HK2: variants seen among roughly 807,000 people sequenced by gnomAD.
HK2 encodes hexokinase 2.
In HK2, 42 loss-of-function variants were observed where a neutral mutation model predicts 92.9. The observed-to-expected ratio is 0.45, with a 90% CI of 0.35 to 0.58. The LOEUF is 0.58. Ranked by LOEUF, HK2 falls within the 20% of genes least tolerant of loss-of-function variation. The pLI is 0.00. For synonymous variants in HK2, 422 were observed against 468.0 expected, an observed-to-expected ratio of 0.90 and a Z score of 1.27; for missense variants, 978 against 1,245.1, an observed-to-expected ratio of 0.79 and a Z score of 3.23.
At chr2:74,839,661 T>A (rs541852978) in intron 1 of HK2, among the ~76,000 whole-genome samples, 2 of 142,330 alleles carry the variant, frequency 1.4e-5, no homozygotes, top group Non-Finnish European at 3.0e-5. Flanking sequence ...CAAAGTCAAT[T>A]TTTTTTTTTT....
At position 74,892,476 on chromosome 2, in the gene HK2, TTTCAAACTA is replaced by T. The variant is rs370906633; in HGVS notation, c.*1538_*1546del. On this transcript the variant is annotated 3_prime_UTR_variant, in exon 18 of 18. Coordinates refer to ENST00000290573, the MANE Select transcript of HK2 (RefSeq NM_000189.5). The stretch of plus-strand genomic sequence containing the variant: ...TTCTTTTTTTTATACACAACATTTA[TTTCAAACTA>T]TTGGGAGGGATGAGAGTGGCTTAAA... 3.4e-4 allele frequency: 52 copies of T among 152,310 alleles called. 1 individual carries two copies. Among genetic ancestry groups the T allele is most frequent in the Admixed American group, 9.8e-4 (15 of 15,308 alleles). The allele number at this position is 152,310 out of a possible 1,614,324, so 9.4% of individuals were successfully genotyped here. A position where few individuals can be genotyped will look rare whatever the true frequency, so the allele number is the denominator to read the frequency against.
intron 1 of HK2, among the ~76,000 whole-genome samples, chr2:74,844,993 C>T (rs1318230595): frequency 6.6e-6 from 1 of 152,148 alleles, no homozygotes; most frequent in Non-Finnish European, 1.5e-5. Context: ...GCAGAGAGGC[C>T]ATTTATGCTG....
chr2:74,856,641 T>A (rs1688702881), intron 2 of HK2, among the ~76,000 whole-genome samples: 1 of 152,234 alleles, frequency 6.6e-6, no homozygotes, highest in Admixed American at 6.5e-5. Context: ...CACCTCAATG[T>A]ATTAACTCAT....
rs540398266 is a variant in HK2, at chr2:74,875,917, G to T, written c.876-1249G>T. On this transcript the variant is annotated intron_variant, in intron 7 of 17. Coordinates refer to ENST00000290573, the MANE Select transcript of HK2 (RefSeq NM_000189.5). ...CTTATCCTTTGACACCCACCAAATT[G>T]TCATCCATGGTAGCCCTGAAGTCAC... Among the ~76,000 whole-genome samples, 5 of 152,274 alleles carry T rather than the reference G, an allele frequency of 3.3e-5. No individual in the cohort carries two copies. In the South Asian group the frequency reaches 1.0e-3, roughly 32 times the overall value.
chr2:74,880,781 T>G (rs1689370673), intron 10 of HK2, among the ~76,000 whole-genome samples: 1 of 152,268 alleles, frequency 6.6e-6, no homozygotes, highest in Admixed American at 6.5e-5. Context: ...ATGCTTACTG[T>G]GTGTCAAAGC....
intron 1 of HK2, among the ~76,000 whole-genome samples, chr2:74,844,323 T>A (rs1184245087): frequency 6.6e-6 from 1 of 152,216 alleles, no homozygotes; most frequent in Non-Finnish European, 1.5e-5. Context: ...AAACACAGTT[T>A]GTGCAGCATG....
chr2:74,857,024 C>G (rs987244993), intron 2 of HK2, among the ~76,000 whole-genome samples: 2 of 152,192 alleles, frequency 1.3e-5, no homozygotes, highest in Non-Finnish European at 2.9e-5. Flanking sequence ...GCTGGAGGCT[C>G]CAAGACCTCC....
chr2:74,846,692 G>A (rs1297625230), intron 1 of HK2, among the ~76,000 whole-genome samples: 1 of 152,162 alleles, frequency 6.6e-6, no homozygotes, highest in Non-Finnish European at 1.5e-5. Context: ...GTCTTGCACT[G>A]TTGCCCAGGC....
intron 7 of HK2, among the ~76,000 whole-genome samples, chr2:74,875,218 T>C (rs1689196946): frequency 6.6e-6 from 1 of 152,062 alleles, no homozygotes; most frequent in Non-Finnish European, 1.5e-5. Flanking sequence ...TCATCTCTGG[T>C]CTTGTGACTG....
chr2:74,876,353 G>T (rs897313193), intron 7 of HK2, among the ~76,000 whole-genome samples: 1 of 152,164 alleles, frequency 6.6e-6, no homozygotes, highest in Non-Finnish European at 1.5e-5. Flanking sequence ...TAAGACACAG[G>T]TTCTTTCTCA....
intron 16 of HK2, among the ~76,000 whole-genome samples, chr2:74,888,653 C>T (rs1689598162): frequency 3.3e-5 from 5 of 152,334 alleles, no homozygotes; most frequent in South Asian, 4.1e-4. Flanking sequence ...GTAGACCCCT[C>T]GGGCATCTGC....
At chr2:74,863,407 G>A (rs1688876294) in intron 2 of HK2, among the ~76,000 whole-genome samples, 1 of 152,230 alleles carries the variant, frequency 6.6e-6, no homozygotes, top group African/African-American at 2.4e-5. Flanking sequence ...CGTTAACTGT[G>A]ATTCAGTGCC....
chr2:74,865,844 C>T lies in HK2; in HGVS notation c.227-1792C>T, dbSNP rs141964624. Among the ~76,000 whole-genome samples the T allele has an allele frequency of 8.0e-4, 122 of 152,176 alleles. 2 individuals carry two copies. Among genetic ancestry groups the T allele is most frequent in the African/African-American group, 2.8e-3 (117 of 41,448 alleles). On this transcript the variant is annotated intron_variant, in intron 2 of 17. Coordinates refer to ENST00000290573, the MANE Select transcript of HK2 (RefSeq NM_000189.5). Reference sequence around the variant, plus strand: ...CTGTGGGACAGGGTCTGCCTAGAGCCCGGAGAGAGAGTACCTAGTACTTAC... The same window carrying T: ...CTGTGGGACAGGGTCTGCCTAGAGCTCGGAGAGAGAGTACCTAGTACTTAC...
rs900740871 is a variant in HK2 at position 74,854,557 on chromosome 2, C to G, written c.226+102C>G. ...TAACTCAAAAGCCTCAGAAACCAAC[C>G]CTGGCTAAGGGAAGCATCCAGGGAA... On this transcript the variant is annotated intron_variant, in intron 2 of 17. Transcript: ENST00000290573. 5.5e-5 allele frequency: 70 copies of G among 1,266,078 alleles called. No individual in the cohort carries two copies. The Admixed American group carries it at 1.2e-3, about 23-fold the overall frequency. The allele number at this position is 1,266,078 out of a possible 1,614,324, so 78.4% of individuals were successfully genotyped here.
At chr2:74,867,516 G>A in intron 2 of HK2, 120 bp from the exon 3 acceptor site, 1 of 978,082 alleles carries the variant, frequency 1.0e-6, no homozygotes, top group Non-Finnish European at 1.6e-6. Flanking sequence ...GTAGAGGAGT[G>A]AATCCCACTG....
chr2:74,874,632 G>A (rs28363007), intron 7 of HK2, among the ~76,000 whole-genome samples, 183 bp downstream of exon 7: 3,272 of 152,266 alleles, frequency 0.021, 60 homozygotes, highest in African/African-American at 0.047. Flanking sequence ...GAGAGCAAGC[G>A]GATATACCAG....
intron 1 of HK2, among the ~76,000 whole-genome samples, chr2:74,851,422 T>C (rs1465231888): frequency 6.6e-6 from 1 of 152,244 alleles, no homozygotes; most frequent in African/African-American, 2.4e-5. Flanking sequence ...AAAGGGTGAC[T>C]GTTTAACTCG....
At chr2:74,889,511 CTTCT>C (rs1689623790) in intron 17 of HK2, 33 bp downstream of exon 17, 1 of 1,350,016 alleles carries the variant, frequency 7.4e-7, no homozygotes, top group Non-Finnish European at 1.0e-6. Flanking sequence ...CCCTGCCTAC[CTTCT>C]TTCTGTCTTT....
rs545135485 is a variant in HK2, at chr2:74,865,949, A to G, written c.227-1687A>G. On this transcript the variant is annotated intron_variant, in intron 2 of 17. Coordinates refer to ENST00000290573, the MANE Select transcript of HK2 (RefSeq NM_000189.5). Reference sequence around the variant, plus strand: ...CCTCACAGCAACCCAATGAGATGCAATGTTCCCATTTTAGAGATGAAGCAG... The same window carrying G: ...CCTCACAGCAACCCAATGAGATGCAGTGTTCCCATTTTAGAGATGAAGCAG... Among the ~76,000 whole-genome samples, 7 of 152,178 alleles carry G rather than the reference A, an allele frequency of 4.6e-5. No individual in the cohort carries two copies. The East Asian group carries it at 1.2e-3, about 25-fold the overall frequency.
Sources: gnomAD v4.1 joint callset for allele counts (sites outside exome capture counted in the v4.1 genomes callset) on GRCh38, gnomAD v4.1.1 for gene constraint, MANE v1.5 for transcripts, NCBI Gene and HGNC (gene_info 2026-07-23, HGNC 2026-07-21) for gene names.